Variants in DNAH7 observed in about 807,000 individuals in gnomAD.
The protein encoded by DNAH7 is dynein axonemal heavy chain 7, also known as axonemal beta dynein heavy chain 7.
DNAH7 carries 397 observed loss-of-function variants against 444.6 expected under a neutral mutation model. The ratio of observed to expected loss-of-function variants is 0.89; its 90% confidence interval spans 0.82 to 0.97. DNAH7 has a LOEUF of 0.97. Among genes scored for constraint, DNAH7 ranks in the 50% least tolerant of loss-of-function variants. The pLI is 0.00. For synonymous variants in DNAH7, 1,636 were observed against 1,624.4 expected, an observed-to-expected ratio of 1.01 and a Z score of -0.17; for missense variants, 4,902 against 4,800.8, an observed-to-expected ratio of 1.02 and a Z score of -0.62.
At chr2:195,957,995 T>C (rs780744197) in intron 18 of DNAH7, among the ~76,000 whole-genome samples, 54 of 152,182 alleles carry the variant, frequency 3.5e-4, no homozygotes, top group Non-Finnish European at 6.8e-4. Flanking sequence ...ATGTTCTTTT[T>C]CCCCCCTTAA....
intron 14 of DNAH7, among the ~76,000 whole-genome samples, chr2:195,986,268 T>A (rs1353943620): frequency 6.6e-6 from 1 of 152,182 alleles, no homozygotes; most frequent in African/African-American, 2.4e-5. Flanking sequence ...ACATTGTAAC[T>A]TCCTTCAGCA....
In DNAH7 at chr2:196,048,331, G is replaced by A; in HGVS notation, c.215C>T (p.Pro72Leu). 1 of 1,613,912 alleles carries A rather than the reference G, an allele frequency of 6.2e-7. No homozygotes were observed. ...TTCATTTTTAACACTAAATGGTTCT[G>A]GACTCTCATCATCCTGCTTTACACT... ...HLSVKQDDESPEPFSVKNEQS... is the reference protein window; with the variant it reads ...HLSVKQDDESLEPFSVKNEQS... The change falls in exon 4 of 65, where the codon CCA becomes CTA. Residue 72 changes from proline (P) to leucine (L), a missense_variant. Pro to Leu is a moderately conservative substitution (Grantham distance 98). Transcript: ENST00000312428.
chr2:195,975,764 C>T (rs917018750), intron 15 of DNAH7, among the ~76,000 whole-genome samples: 5 of 152,120 alleles, frequency 3.3e-5, no homozygotes, highest in South Asian at 4.1e-4. Flanking sequence ...AGTGAGGCCC[C>T]CATCTTAGGC....
chr2:196,052,943 A>G (rs1049270779), intron 2 of DNAH7, among the ~76,000 whole-genome samples: 7 of 152,240 alleles, frequency 4.6e-5, no homozygotes, highest in African/African-American at 1.4e-4. Context: ...TGCTGGGCTC[A>G]TAGACTAAGT....
intron 5 of DNAH7, among the ~76,000 whole-genome samples, chr2:196,038,089 C>G (rs1348422491): frequency 2.6e-5 from 4 of 151,394 alleles, no homozygotes; most frequent in Non-Finnish European, 5.9e-5. Flanking sequence ...AAGACCAAGA[C>G]AGAATAAGAC....
At chr2:195,933,137 G>C (rs1688813253) in intron 21 of DNAH7, among the ~76,000 whole-genome samples, 2 of 151,946 alleles carry the variant, frequency 1.3e-5, no homozygotes, top group Admixed American at 1.3e-4. Context: ...TTCTTCAAAA[G>C]ACACATGAAA....
At chr2:195,783,454 G>A (rs888717364) in intron 58 of DNAH7, among the ~76,000 whole-genome samples, 4 of 152,100 alleles carry the variant, frequency 2.6e-5, no homozygotes, top group Non-Finnish European at 4.4e-5. Context: ...GTAGCTCCAG[G>A]TGTTCCTTGG....
intron 41 of DNAH7, among the ~76,000 whole-genome samples, chr2:195,862,651 CTTCT>C (rs139940953): frequency 0.018 from 2,803 of 152,252 alleles, 75 homozygotes; most frequent in African/African-American, 0.063. Context: ...CCTCTCCTTC[CTTCT>C]GTCTAGACAC....
chr2:196,009,538 A>T (rs1219296637), intron 10 of DNAH7, among the ~76,000 whole-genome samples: 3 of 152,190 alleles, frequency 2.0e-5, no homozygotes, highest in Non-Finnish European at 2.9e-5. Flanking sequence ...GCATTGCTAG[A>T]AACATGCTGA....
rs140274281 is a variant in DNAH7, at chr2:196,000,644, G to T, written c.1353+60C>A. ...GGATACCTGCCTTCAACTTTCAGAA[G>T]TTACTTGAAGTGAATGTCATTATGC... On this transcript the variant is annotated intron_variant, in intron 12 of 64. Transcript: ENST00000312428. 3.3e-5 allele frequency: 44 copies of T among 1,316,492 alleles called. No homozygotes were observed. In the East Asian group the frequency reaches 1.0e-3, roughly 31 times the overall value. 81.6% of individuals were successfully genotyped at this position (1,316,492 alleles called of 1,614,324 possible). A position where few individuals can be genotyped will look rare whatever the true frequency, so the allele number is the denominator to read the frequency against.
intron 51 of DNAH7, among the ~76,000 whole-genome samples, chr2:195,813,381 T>C (rs1366956200): frequency 5.3e-5 from 8 of 152,196 alleles, no homozygotes; most frequent in African/African-American, 1.2e-4. Context: ...AGTCAGACCT[T>C]TGTCAGTTTT....
Position 195,857,069 on chromosome 2 carries a change from GAATT to G in DNAH7, c.8414+304_8414+307del, listed in dbSNP as rs565988782. ...TAACATTTTTATTGCTTTTTAAGAT[GAATT>G]AATAAACATTTTTAAAATTTTTCCA... is the stretch of plus-strand genomic sequence containing the variant. On this transcript the variant is annotated intron_variant, in intron 44 of 64. Transcript: ENST00000312428. 5.4e-3 allele frequency among the ~76,000 whole-genome samples: 815 copies of G among 152,042 alleles called. 2 individuals carry two copies. Among genetic ancestry groups the G allele is most frequent in the Non-Finnish European group, 7.2e-3 (488 of 67,988 alleles).
chr2:195,843,220 A>G (rs531806658), intron 47 of DNAH7, among the ~76,000 whole-genome samples: 1 of 152,362 alleles, frequency 6.6e-6, no homozygotes, highest in Non-Finnish European at 1.5e-5. Context: ...CCACATGTTA[A>G]GTAATTCAAC....
At chr2:195,867,870 A>C (rs1462981935) in intron 40 of DNAH7, among the ~76,000 whole-genome samples, 1 of 152,116 alleles carries the variant, frequency 6.6e-6, no homozygotes, top group Non-Finnish European at 1.5e-5. Context: ...TGGCTATTAT[A>C]AATAATTCTG....
chr2:195,983,762 G>T lies in DNAH7; in HGVS notation c.1833+870C>A, dbSNP rs566483421. Among the ~76,000 whole-genome samples the T allele has an allele frequency of 2.4e-4, 37 of 152,220 alleles. No individual in the cohort carries two copies. In the South Asian group the frequency reaches 7.7e-3, roughly 32 times the overall value. ...GTCATAAATTCTATGCCTAAATATA[G>T]CTCAACAAACTATCACAGAAAAGCT... On this transcript the variant is annotated intron_variant, in intron 15 of 64. Transcript: ENST00000312428.
At chr2:195,870,492 G>A (rs544486532) in intron 40 of DNAH7, among the ~76,000 whole-genome samples, 3 of 152,320 alleles carry the variant, frequency 2.0e-5, no homozygotes, top group South Asian at 4.1e-4. Context: ...TTCCTCGTGA[G>A]TTAGATTCAC....
intron 59 of DNAH7, among the ~76,000 whole-genome samples, chr2:195,776,695 G>C (rs1695081778): frequency 6.6e-6 from 1 of 151,886 alleles, no homozygotes; most frequent in African/African-American, 2.4e-5. Context: ...ATTCAAAAAA[G>C]TAAAAATTAT....
intron 63 of DNAH7, among the ~76,000 whole-genome samples, chr2:195,749,074 G>T (rs1053736185): frequency 6.6e-6 from 1 of 151,610 alleles, no homozygotes; most frequent in African/African-American, 2.4e-5. Flanking sequence ...GAAAATTTTC[G>T]CAACCTACTC....
At chr2:195,769,753 A>G (rs1360284343) in intron 61 of DNAH7, among the ~76,000 whole-genome samples, 1 of 152,064 alleles carries the variant, frequency 6.6e-6, no homozygotes, top group Non-Finnish European at 1.5e-5. Context: ...GCCTTTGTGG[A>G]TAGGTTTGCA....
Sources: gnomAD v4.1 joint callset for allele counts (sites outside exome capture counted in the v4.1 genomes callset) on GRCh38, gnomAD v4.1.1 for gene constraint, MANE v1.5 for transcripts, NCBI Gene and HGNC (gene_info 2026-07-23, HGNC 2026-07-21) for gene names.